The following GALNT7 variants were observed in gnomAD, a reference collection of about 807,000 sequenced individuals.
GALNT7 encodes the protein N-acetylgalactosaminyltransferase 7.
GALNT7 carries 60 observed loss-of-function variants against 82.1 expected under a neutral mutation model. The ratio of observed to expected loss-of-function variants is 0.73; its 90% CI spans 0.59 to 0.91. The LOEUF is 0.91. Ranked by LOEUF, GALNT7 falls within the 40% of genes least tolerant of loss-of-function variation. GALNT7 has a pLI of 0.00. For synonymous variants in GALNT7, 243 were observed against 275.1 expected, an observed-to-expected ratio of 0.88 and a Z score of 1.15; for missense variants, 660 against 804.2, an observed-to-expected ratio of 0.82 and a Z score of 2.17.
At position 173,184,763 on chromosome 4, in the gene GALNT7, G is replaced by A. The variant is rs182467976; in HGVS notation, c.126+15802G>A. Among the ~76,000 whole-genome samples, 19 of 152,154 alleles carry A rather than the reference G, an allele frequency of 1.2e-4. No homozygotes were observed. The East Asian group carries it at 3.3e-3, about 26-fold the overall frequency. ...TAATGTAAAAAAAAAACTGATTTAGGAGAGGGTTTTCGGTACTTTGAAATA... is the reference window on the plus strand; with the variant it reads ...TAATGTAAAAAAAAAACTGATTTAGAAGAGGGTTTTCGGTACTTTGAAATA... On this transcript the variant is annotated intron_variant, in intron 1 of 11. Transcript: ENST00000265000.
intron 1 of GALNT7, among the ~76,000 whole-genome samples, chr4:173,201,918 A>G (rs990214958): frequency 6.6e-5 from 10 of 152,214 alleles, no homozygotes; most frequent in Non-Finnish European, 8.8e-5. Context: ...CTTTTTGTCA[A>G]TAGATGCCTG....
At chr4:173,286,427 T>C (rs1043401292) in intron 2 of GALNT7, among the ~76,000 whole-genome samples, 1 of 152,222 alleles carries the variant, frequency 6.6e-6, no homozygotes, top group Non-Finnish European at 1.5e-5. Flanking sequence ...TTGTTTCCCA[T>C]GGGTAACCCA....
chr4:173,175,078 G>C (rs1173200952), intron 1 of GALNT7, among the ~76,000 whole-genome samples: 2 of 152,200 alleles, frequency 1.3e-5, no homozygotes, highest in African/African-American at 4.8e-5. Context: ...AAAAAAGTTG[G>C]TCAGCAAGAT....
intron 1 of GALNT7, among the ~76,000 whole-genome samples, chr4:173,183,573 A>G (rs1341523638): frequency 1.3e-5 from 2 of 152,126 alleles, no homozygotes; most frequent in Non-Finnish European, 1.5e-5. Context: ...CACAGTAACA[A>G]TCTGATCTCT....
intron 1 of GALNT7, among the ~76,000 whole-genome samples, chr4:173,224,912 G>T (rs1345025515): frequency 1.3e-5 from 2 of 151,820 alleles, no homozygotes; most frequent in African/African-American, 4.8e-5. Flanking sequence ...CTACTCGGGA[G>T]GCTGAGGCAG....
intron 6 of GALNT7, 143 bp downstream of exon 6, chr4:173,298,440 A>G (rs1419780183): frequency 1.7e-6 from 1 of 605,060 alleles, no homozygotes; most frequent in Non-Finnish European, 2.8e-6. Context: ...ACTGTTTCAG[A>G]GCTTTCAATC....
chr4:173,173,606 A>G (rs1731947717), intron 1 of GALNT7, among the ~76,000 whole-genome samples: 1 of 152,130 alleles, frequency 6.6e-6, no homozygotes, highest in Non-Finnish European at 1.5e-5. Flanking sequence ...TTAGATTCTC[A>G]TAAGGAGTGT....
intron 2 of GALNT7, among the ~76,000 whole-genome samples, chr4:173,284,114 A>G (rs1311307788): frequency 1.3e-5 from 2 of 152,266 alleles, no homozygotes; most frequent in African/African-American, 4.8e-5. Context: ...AGGTTAGTCC[A>G]TTCCATTAAC....
At chr4:173,315,578 A>G (rs1234548120) in intron 9 of GALNT7, among the ~76,000 whole-genome samples, 1 of 152,198 alleles carries the variant, frequency 6.6e-6, no homozygotes, top group Non-Finnish European at 1.5e-5. Context: ...GCCAGCATTT[A>G]GAGTTCAGGA....
At chr4:173,233,754 C>T (rs1734118922) in intron 1 of GALNT7, among the ~76,000 whole-genome samples, 1 of 152,146 alleles carries the variant, frequency 6.6e-6, no homozygotes, top group Non-Finnish European at 1.5e-5. Context: ...ACTTTGTGCA[C>T]TTGATTACCC....
chr4:173,264,199 G>C (rs568591372), intron 2 of GALNT7, among the ~76,000 whole-genome samples: 7 of 152,224 alleles, frequency 4.6e-5, no homozygotes, highest in Admixed American at 3.9e-4. Context: ...GTAACTTACT[G>C]TTTGTATTCT....
intron 1 of GALNT7, among the ~76,000 whole-genome samples, chr4:173,186,838 A>G (rs2126636189): frequency 6.6e-6 from 1 of 151,948 alleles, no homozygotes; most frequent in East Asian, 1.9e-4. Flanking sequence ...CTGTGGTGCA[A>G]TCTTGGCTCA....
At chr4:173,169,218 T>A (rs1166069736) in intron 1 of GALNT7, 1 of 150,374 alleles carries the variant, frequency 6.7e-6, no homozygotes, top group East Asian at 2.0e-4. Context: ...ACACCCGCGC[T>A]GCCGCGGCAG....
At chr4:173,170,174 G>A (rs1192362552) in intron 1 of GALNT7, among the ~76,000 whole-genome samples, 1 of 152,162 alleles carries the variant, frequency 6.6e-6, no homozygotes, top group East Asian at 1.9e-4. Context: ...CCTCCTCCCC[G>A]CTGGGACAGC....
In GALNT7 at chr4:173,322,717, T is replaced by C. The variant is rs895425355; in HGVS notation, c.*1000T>C. On this transcript the variant is annotated 3_prime_UTR_variant, in exon 12 of 12. Transcript: ENST00000265000. The stretch of plus-strand genomic sequence containing the variant: ...AGGTTCATTCTGACTGAGGTAAGAC[T>C]TTCCAAGCCCTTGTTAGATTAGGCC... 1 of 152,232 alleles carries C rather than the reference T, an allele frequency of 6.6e-6. No homozygotes were observed. The highest frequency in any genetic ancestry group is 1.5e-5 in the Non-Finnish European group (1 of 68,030). The allele number at this position is 152,232 out of a possible 1,614,324, so 9.4% of individuals were successfully genotyped here.
intron 8 of GALNT7, among the ~76,000 whole-genome samples, chr4:173,311,568 A>G (rs1737385273): frequency 6.6e-6 from 1 of 152,168 alleles, no homozygotes; most frequent in South Asian, 2.1e-4. Flanking sequence ...AAGAGAGAGA[A>G]GCAGGAAGGT....
At chr4:173,280,102 G>A (rs1015743377) in intron 2 of GALNT7, among the ~76,000 whole-genome samples, 5 of 152,074 alleles carry the variant, frequency 3.3e-5, no homozygotes, top group African/African-American at 1.2e-4. Context: ...AATCAAAAAT[G>A]ACTCTTTGTC....
intron 2 of GALNT7, among the ~76,000 whole-genome samples, chr4:173,288,282 C>CAAAAACAA (rs1736407363): frequency 1.6e-5 from 1 of 63,000 alleles, no homozygotes; most frequent in Non-Finnish European, 2.7e-5. Context: ...GACTCCATCT[C>CAAAAACAA]AAAAAAAAAA....
At chr4:173,178,454 A>G (rs1732144275) in intron 1 of GALNT7, among the ~76,000 whole-genome samples, 1 of 152,180 alleles carries the variant, frequency 6.6e-6, no homozygotes. Context: ...GCAGTCACCT[A>G]GGGCCTATGT....
Sources: gnomAD v4.1 joint callset for allele counts (sites outside exome capture counted in the v4.1 genomes callset) on GRCh38, gnomAD v4.1.1 for gene constraint, MANE v1.5 for transcripts, NCBI Gene and HGNC (gene_info 2026-07-23, HGNC 2026-07-21) for gene names.